Variants in FMN1 observed in about 807,000 individuals in gnomAD.
FMN1 encodes the protein formin 1.
FMN1 carries 110 observed loss-of-function variants against 132.4 expected under a neutral mutation model. The ratio of observed to expected loss-of-function variants is 0.83; its 90% CI spans 0.71 to 0.97. The LOEUF (loss-of-function observed/expected upper bound fraction) is 0.97, where lower values mean the gene tolerates loss of function less well. FMN1 is among the 50% of genes least tolerant of loss of function. The pLI is 0.00. For missense variants in FMN1, 1,792 were observed against 1,705.3 expected (o/e 1.05, Z -0.90); for synonymous variants, 722 against 651.7 (o/e 1.11, Z -1.64).
intron 17 of FMN1, among the ~76,000 whole-genome samples, chr15:32,841,587 C>G (rs1329810332): frequency 6.6e-6 from 1 of 152,126 alleles, no homozygotes; most frequent in African/African-American, 2.4e-5. Flanking sequence ...ATATTAAAGT[C>G]CTAGGAAATA....
rs1269209027 is a variant in FMN1, at chr15:33,121,412, G to A, written c.1867+31636C>T. On this transcript the variant is annotated intron_variant, in intron 4 of 20. Coordinates refer to ENST00000616417, the MANE Select transcript of FMN1 (RefSeq NM_001277313.2). ...ACTGTCTATAAATTGAGAGCACAAA[G>A]GGAGAAACTCATTCCCTCATTTCCA... Among the ~76,000 whole-genome samples, 4 of 152,158 alleles carry A rather than the reference G, an allele frequency of 2.6e-5. No individual in the cohort carries two copies. The East Asian group carries it at 7.7e-4, about 29-fold the overall frequency.
At chr15:32,901,877 C>G in intron 13 of FMN1, 34 bp downstream of exon 13, 1 of 1,573,754 alleles carries the variant, frequency 6.4e-7, no homozygotes, top group Non-Finnish European at 8.6e-7. Flanking sequence ...CTCTTCAGAG[C>G]AAGGCTATCT....
Position 32,774,023 on chromosome 15 carries a change from T to C in FMN1, c.*287A>G. ...GCTTTTAAAAAAATTTTGGAAACAT[T>C]TTGGTATTTCTTCTGCTCTTAGAGT... On this transcript the variant is annotated 3_prime_UTR_variant, in exon 21 of 21. Coordinates refer to ENST00000616417, the MANE Select transcript of FMN1 (RefSeq NM_001277313.2). 2.4e-6 allele frequency: 1 copy of C among 416,518 alleles called. No individual in the cohort carries two copies. Among genetic ancestry groups the C allele is most frequent in the Non-Finnish European group, 4.2e-6 (1 of 237,226 alleles). 25.8% of individuals were successfully genotyped at this position (416,518 alleles called of 1,614,324 possible).
At chr15:32,942,323 A>G (rs917676903) in intron 9 of FMN1, among the ~76,000 whole-genome samples, 3 of 152,208 alleles carry the variant, frequency 2.0e-5, no homozygotes, top group African/African-American at 7.2e-5. Context: ...CTACACTGGG[A>G]AAATCATACC....
intron 18 of FMN1, 107 bp downstream of exon 18, chr15:32,804,174 A>C: frequency 1.2e-6 from 1 of 804,302 alleles, no homozygotes; most frequent in South Asian, 1.7e-5. Context: ...GGGAAGTAAA[A>C]ATGTTTTGGA....
chr15:32,847,328 A>G (rs958713695), intron 17 of FMN1, among the ~76,000 whole-genome samples: 1 of 152,110 alleles, frequency 6.6e-6, no homozygotes. Flanking sequence ...CTGCTCTAGG[A>G]AAGACCCTGT....
chr15:33,182,715 C>A (rs148118584), intron 2 of FMN1, among the ~76,000 whole-genome samples: 29 of 152,282 alleles, frequency 1.9e-4, no homozygotes, highest in African/African-American at 6.5e-4. Context: ...GCGCCATCTA[C>A]CTCTCACTGG....
chr15:32,935,170 C>CT (rs1353903943), intron 9 of FMN1, among the ~76,000 whole-genome samples: 2 of 152,162 alleles, frequency 1.3e-5, no homozygotes, highest in African/African-American at 4.8e-5. Context: ...AGTCACCTGC[C>CT]TTACCCTTCC....
chr15:33,131,531 A>G (rs529408803), intron 4 of FMN1, among the ~76,000 whole-genome samples: 6 of 152,286 alleles, frequency 3.9e-5, no homozygotes, highest in African/African-American at 1.4e-4. Context: ...AGACCACTGC[A>G]TATTCTTCAT....
intron 15 of FMN1, among the ~76,000 whole-genome samples, chr15:32,888,854 CAG>C (rs2059957454): frequency 7.1e-6 from 1 of 141,480 alleles, no homozygotes; most frequent in South Asian, 2.3e-4. Context: ...CACATATACA[CAG>C]GTTTTTTTTT....
chr15:32,892,414 G>A (rs2060053470), intron 15 of FMN1, among the ~76,000 whole-genome samples: 1 of 152,150 alleles, frequency 6.6e-6, no homozygotes. Context: ...AAACCCACTT[G>A]ATCCTGGTGG....
intron 9 of FMN1, among the ~76,000 whole-genome samples, chr15:32,948,331 T>C (rs2061552911): frequency 2.0e-5 from 3 of 152,068 alleles, no homozygotes; most frequent in Admixed American, 2.0e-4. Flanking sequence ...GCTAATATTC[T>C]GGTTAAGATC....
chr15:32,834,155 T>C (rs1271539443), intron 17 of FMN1, among the ~76,000 whole-genome samples: 2 of 152,216 alleles, frequency 1.3e-5, no homozygotes, highest in Non-Finnish European at 2.9e-5. Context: ...AATTCTTGGA[T>C]GGTAAACTCT....
chr15:32,988,550 T>G (rs147278797), intron 7 of FMN1, among the ~76,000 whole-genome samples: 45 of 152,304 alleles, frequency 3.0e-4, no homozygotes, highest in African/African-American at 1.1e-3. Flanking sequence ...GTCAACACTT[T>G]ATCTTTGGCA....
chr15:33,144,751 C>A (rs141097330), intron 4 of FMN1, among the ~76,000 whole-genome samples: 136 of 151,874 alleles, frequency 9.0e-4, no homozygotes, highest in African/African-American at 3.1e-3. Context: ...AATGTAGCAG[C>A]TTTAATCAAG....
chr15:32,859,508 C>A lies in FMN1; in HGVS notation c.3836-2401G>T, dbSNP rs193097375. Among the ~76,000 whole-genome samples the A allele has an allele frequency of 1.2e-3, 181 of 152,304 alleles. 1 individual carries two copies. Among genetic ancestry groups the A allele is most frequent in the African/African-American group, 4.4e-3 (181 of 41,560 alleles). On this transcript the variant is annotated intron_variant, in intron 16 of 20. Transcript: ENST00000616417. ...TTCTTTCAACAATATCTGACAAAGT[C>A]CTGTTCATCCTAAAAAGCTTCTCTG...
chr15:32,974,346 T>C (rs372635630), intron 7 of FMN1, among the ~76,000 whole-genome samples: 2 of 152,188 alleles, frequency 1.3e-5, no homozygotes, highest in African/African-American at 4.8e-5. Flanking sequence ...TACTCTTAAT[T>C]TGTTTGCTTC....
intron 5 of FMN1, chr15:33,067,046 AG>A: frequency 6.2e-7 from 1 of 1,613,970 alleles, no homozygotes; most frequent in South Asian, 1.1e-5. Flanking sequence ...CAGCACACGA[AG>A]CCCACTGAAA....
chr15:32,816,017 G>C (rs1425103808), intron 17 of FMN1, among the ~76,000 whole-genome samples: 1 of 152,184 alleles, frequency 6.6e-6, no homozygotes, highest in Non-Finnish European at 1.5e-5. Context: ...AGAGATGTTT[G>C]TAAGGTGCTC....
Sources: allele counts gnomAD v4.1 joint callset (sites outside exome capture counted in the v4.1 genomes callset), GRCh38; gene constraint gnomAD v4.1.1; transcripts MANE v1.5; gene names NCBI Gene and HGNC (gene_info 2026-07-23, HGNC 2026-07-21).